FLVCR1: variants seen among roughly 807,000 people sequenced by gnomAD.
The protein encoded by FLVCR1 is choline/ethanolamine transporter FLVCR1.
A neutral mutation model predicts 53.6 loss-of-function variants in FLVCR1; 34 were observed. That is an observed-to-expected ratio of 0.63 (90% confidence interval 0.48 to 0.84). FLVCR1 has a LOEUF of 0.84. Among genes scored for constraint, FLVCR1 ranks in the 40% least tolerant of loss-of-function variants. FLVCR1 has a pLI of 0.00. For missense variants in FLVCR1, 677 were observed against 696.7 expected (o/e 0.97, Z 0.32); for synonymous variants, 300 against 286.3 (o/e 1.05, Z -0.48).
Position 212,858,774 on chromosome 1 carries a change from T to C in FLVCR1, c.322T>C (p.Phe108Leu). Residue 108 changes from phenylalanine to leucine, a missense_variant, in exon 1 of 10, where the codon TTC (phenylalanine) becomes CTC (leucine). Transcript: ENST00000366971. ...CCTTACGGCGCTCTCCCCGCGGCGC[T>C]TCGTGGTGCTCCTGATCTTCAGCCT... is the stretch of plus-strand genomic sequence containing the variant. ...LPLTALSPRR[F>L]VVLLIFSLYS... 1.2e-6 allele frequency: 2 copies of C among 1,614,102 alleles called. No homozygotes were observed. The highest frequency in any genetic ancestry group is 1.7e-6 in the Non-Finnish European group (2 of 1,180,020).
intron 3 of FLVCR1, among the ~76,000 whole-genome samples, chr1:212,878,529 G>A (rs536234308): frequency 0.051 from 3,568 of 70,498 alleles, 75 homozygotes; most frequent in South Asian, 0.14. Flanking sequence ...GTGAGTCTCC[G>A]TCTCAAAAAA....
chr1:212,863,596 A>AG (rs1664315131), intron 1 of FLVCR1, 129 bp from the exon 2 acceptor site: 5 of 860,644 alleles, frequency 5.8e-6, no homozygotes, highest in Non-Finnish European at 7.3e-6. Context: ...AAAAAAAAAA[A>AG]GAACATAATA....
intron 1 of FLVCR1, among the ~76,000 whole-genome samples, chr1:212,859,556 A>G (rs779118878): frequency 6.6e-6 from 1 of 152,078 alleles, no homozygotes; most frequent in Non-Finnish European, 1.5e-5. Flanking sequence ...CGTCTCTGTT[A>G]AAAATACAGA....
At chr1:212,890,427 G>A (rs1347738004) in intron 8 of FLVCR1, among the ~76,000 whole-genome samples, 2 of 151,344 alleles carry the variant, frequency 1.3e-5, no homozygotes, top group African/African-American at 4.9e-5. Context: ...GGCCACACAT[G>A]AAATACTCTA....
intron 7 of FLVCR1, 90 bp from the exon 8 acceptor site, chr1:212,889,055 TA>T: frequency 1.0e-6 from 1 of 976,778 alleles, no homozygotes; most frequent in Non-Finnish European, 1.6e-6. Flanking sequence ...CCAAATCATA[TA>T]ACCAAAATAA....
intron 8 of FLVCR1, among the ~76,000 whole-genome samples, chr1:212,892,964 A>T (rs1487202266): frequency 6.6e-6 from 1 of 152,246 alleles, no homozygotes; most frequent in East Asian, 1.9e-4. Context: ...TGTGGTGGGA[A>T]TAACAAGAGA....
intron 5 of FLVCR1, 69 bp from the exon 6 acceptor site, chr1:212,887,822 A>T: frequency 1.2e-6 from 1 of 817,326 alleles, no homozygotes; most frequent in Non-Finnish European, 2.1e-6. Flanking sequence ...TGAACAGGTA[A>T]GAGTGATGAT....
intron 8 of FLVCR1, among the ~76,000 whole-genome samples, chr1:212,893,384 G>C (rs1164477764): frequency 6.6e-6 from 1 of 152,150 alleles, no homozygotes; most frequent in Non-Finnish European, 1.5e-5. Flanking sequence ...AGCAAAGAAA[G>C]TGTTTTCTTG....
At position 212,887,871 on chromosome 1, in the gene FLVCR1, CT is replaced by C. The variant is rs764296612; in HGVS notation, c.1197-17del. ...GGAGAATCAGACAAAATACTAACAG[CT>C]TTGTTGTTTTTGTTTTAGACAGACT... is the stretch of plus-strand genomic sequence containing the variant. On this transcript the variant is annotated intron_variant, in intron 5 of 9. Transcript: ENST00000366971. The C allele has an allele frequency of 1.6e-6, 2 of 1,258,006 alleles. No individual in the cohort carries two copies. Among genetic ancestry groups the C allele is most frequent in the African/African-American group, 2.9e-5 (2 of 68,120 alleles). The allele number at this position is 1,258,006 out of a possible 1,614,324, so 77.9% of individuals were successfully genotyped here.
intron 6 of FLVCR1, 91 bp downstream of exon 6, chr1:212,888,092 C>A: frequency 2.5e-6 from 2 of 788,934 alleles, no homozygotes; most frequent in East Asian, 2.5e-5. Context: ...TCAGTTCATC[C>A]AAAGTTTCTT....
At chr1:212,893,926 C>T (rs1572030846) in intron 8 of FLVCR1, among the ~76,000 whole-genome samples, 1 of 152,042 alleles carries the variant, frequency 6.6e-6, no homozygotes, top group Non-Finnish European at 1.5e-5. Context: ...CAGATGCCCA[C>T]CACCACAACC....
At chr1:212,861,217 A>G (rs1032063780) in intron 1 of FLVCR1, among the ~76,000 whole-genome samples, 2 of 152,114 alleles carry the variant, frequency 1.3e-5, no homozygotes, top group African/African-American at 2.4e-5. Flanking sequence ...GTGCAGAACT[A>G]TGCCTACTTA....
chr1:212,858,566 G>A lies in FLVCR1; in HGVS notation c.114G>A (p.Leu38=). Residue 38 remains leucine (L), a synonymous_variant, in exon 1 of 10, where the codon CTG becomes CTA. Transcript: ENST00000366971. ...GAPVGKESVE[L]QNGPKAGTFP... ...CCGTTGGGAAGGAGAGCGTGGAGCT[G>A]CAGAACGGGCCCAAAGCGGGCACCT... 6.7e-7 allele frequency: 1 copy of A among 1,484,424 alleles called. No individual in the cohort carries two copies. Among genetic ancestry groups the A allele is most frequent in the Non-Finnish European group, 8.9e-7 (1 of 1,117,666 alleles). The allele number at this position is 1,484,424 out of a possible 1,614,324, so 92.0% of individuals were successfully genotyped here. A position where few individuals can be genotyped will look rare whatever the true frequency, so the allele number is the denominator to read the frequency against.
chr1:212,877,869 A>G (rs1664805679), intron 3 of FLVCR1, among the ~76,000 whole-genome samples: 1 of 152,160 alleles, frequency 6.6e-6, no homozygotes, highest in Non-Finnish European at 1.5e-5. Context: ...ATTTATTGTC[A>G]TCACTTCTGT....
intron 2 of FLVCR1, chr1:212,864,253 C>A (rs1398160255): frequency 6.9e-6 from 2 of 288,062 alleles, no homozygotes; most frequent in Non-Finnish European, 1.3e-5. Context: ...AGGCTATGGT[C>A]TTTCTGGTAA....
Position 212,895,549 on chromosome 1 carries a change from T to C in FLVCR1, c.*259T>C. 2.1e-6 allele frequency: 1 copy of C among 475,400 alleles called. No homozygotes were observed. Among genetic ancestry groups the C allele is most frequent in the East Asian group, 4.0e-5 (1 of 25,248 alleles). 29.4% of individuals were successfully genotyped at this position (475,400 alleles called of 1,614,324 possible). A position where few individuals can be genotyped will look rare whatever the true frequency, so the allele number is the denominator to read the frequency against. ...TAGTATCCGGTTTTTAGTCTCATAT[T>C]GTATCTGAAAGTAAGCTTCTTGACG... is the stretch of plus-strand genomic sequence containing the variant. On this transcript the variant is annotated 3_prime_UTR_variant, in exon 10 of 10. Transcript: ENST00000366971.
chr1:212,865,249 A>G lies in FLVCR1; in HGVS notation c.883+1380A>G, dbSNP rs567342205. 8.6e-5 allele frequency among the ~76,000 whole-genome samples: 13 copies of G among 151,276 alleles called. No individual in the cohort carries two copies. The South Asian group carries it at 1.5e-3, about 17-fold the overall frequency. On this transcript the variant is annotated intron_variant, in intron 2 of 9. Transcript: ENST00000366971. ...CACCCATTAACTCGTCATTTACATTAGGTATATCTCCTAATGCTATCCCTC... is the reference window on the plus strand; with the variant it reads ...CACCCATTAACTCGTCATTTACATTGGGTATATCTCCTAATGCTATCCCTC...
intron 7 of FLVCR1, 75 bp downstream of exon 7, chr1:212,888,669 G>A: frequency 9.7e-7 from 1 of 1,030,836 alleles, no homozygotes; most frequent in Non-Finnish European, 1.4e-6. Context: ...TTTGACCATG[G>A]TTTTATTTGT....
intron 3 of FLVCR1, among the ~76,000 whole-genome samples, chr1:212,882,291 C>T (rs1442510281): frequency 6.6e-6 from 1 of 152,072 alleles, no homozygotes; most frequent in Non-Finnish European, 1.5e-5. Flanking sequence ...TAATAGAATA[C>T]TGTACAACAG....
Sources: allele counts gnomAD v4.1 joint callset (sites outside exome capture counted in the v4.1 genomes callset), GRCh38; gene constraint gnomAD v4.1.1; transcripts MANE v1.5; gene names NCBI Gene and HGNC (gene_info 2026-07-23, HGNC 2026-07-21).